PRKDC: variants seen among roughly 807,000 people sequenced by gnomAD.
PRKDC encodes protein kinase, DNA-activated, catalytic subunit.
Under a neutral mutation model 486.9 loss-of-function variants are expected in PRKDC, and 82 were observed. The ratio of observed to expected loss-of-function variants is 0.17; its 90% CI spans 0.14 to 0.20. The LOEUF (loss-of-function observed/expected upper bound fraction) is 0.20. Ranked by LOEUF, PRKDC falls within the 10% of genes least tolerant of loss-of-function variation. The pLI, the probability that PRKDC is intolerant of heterozygous loss-of-function variation, is 1.00. For missense variants in PRKDC, 4,504 were observed against 5,038.2 expected, an observed-to-expected ratio of 0.89 and a Z score of 3.21; for synonymous variants, 1,895 against 1,837.0, an observed-to-expected ratio of 1.03 and a Z score of -0.81.
At chr8:47,945,240 GT>G (rs1563817586) in intron 7 of PRKDC, among the ~76,000 whole-genome samples, 1 of 152,064 alleles carries the variant, frequency 6.6e-6, no homozygotes, top group Non-Finnish European at 1.5e-5. Context: ...TCTTGTATCT[GT>G]TTTTTTCAAT....
intron 54 of PRKDC, among the ~76,000 whole-genome samples, chr8:47,847,759 G>A (rs954965263): frequency 6.6e-6 from 1 of 151,692 alleles, no homozygotes; most frequent in African/African-American, 2.4e-5. Context: ...TGCACCTAAC[G>A]AAGGTCTAAT....
Position 47,927,328 on chromosome 8 carries a change from T to G in PRKDC, c.2285A>C (p.Tyr762Ser). 3.1e-6 allele frequency: 5 copies of G among 1,613,590 alleles called. No homozygotes were observed. The highest frequency in any genetic ancestry group is 4.2e-6 in the Non-Finnish European group (5 of 1,179,752). Residue 762 changes from tyrosine to serine, a missense_variant, in exon 21 of 86, where the codon TAT becomes TCT. Tyr to Ser is a moderately radical substitution (Grantham distance 144). Coordinates refer to ENST00000314191, the MANE Select transcript of PRKDC (RefSeq NM_006904.7). The stretch of plus-strand genomic sequence containing the variant: ...CAGGCCTACTTCTGCCAAGGGGGTA[T>G]AGCTCAGGCCCAGTTTGAAAGCCAT... ...LQMAFKLGLS[Y>S]TPLAEVGLNA...
rs374299207 is a variant in PRKDC at position 47,794,279 on chromosome 8, A to C, written c.10670+11T>G. 1.3e-6 allele frequency: 2 copies of C among 1,598,384 alleles called. No individual in the cohort carries two copies. Among genetic ancestry groups the C allele is most frequent in the Admixed American group, 3.4e-5 (2 of 58,882 alleles). On this transcript the variant is annotated intron_variant, in intron 74 of 85. Transcript: ENST00000314191. ...ATTTGATCAACCTATTCCTTCTGTA[A>C]TATTACCTACCTTGCCACAAACTCC...
At chr8:47,865,397 A>T (rs2088785850) in intron 40 of PRKDC, among the ~76,000 whole-genome samples, 1 of 151,956 alleles carries the variant, frequency 6.6e-6, no homozygotes, top group South Asian at 2.1e-4. Flanking sequence ...AAAAAAAAAA[A>T]TTCAGAAGTT....
At chr8:47,920,569 C>T (rs983988513) in intron 21 of PRKDC, among the ~76,000 whole-genome samples, 2 of 152,060 alleles carry the variant, frequency 1.3e-5, no homozygotes, top group Non-Finnish European at 2.9e-5. Context: ...TTTAAATGTG[C>T]TAGATTTTAA....
At chr8:47,950,687 G>C (rs2090613740) in intron 7 of PRKDC, among the ~76,000 whole-genome samples, 1 of 149,226 alleles carries the variant, frequency 6.7e-6, no homozygotes, top group Admixed American at 6.7e-5. Context: ...TTCAAAAAAA[G>C]AAAAGAATTT....
intron 40 of PRKDC, among the ~76,000 whole-genome samples, chr8:47,871,619 A>G (rs1159657249): frequency 1.3e-5 from 2 of 152,156 alleles, no homozygotes; most frequent in Non-Finnish European, 2.9e-5. Flanking sequence ...TTTTTTTAAG[A>G]TGGAGTTTCG....
intron 12 of PRKDC, among the ~76,000 whole-genome samples, 172 bp from the exon 13 acceptor site, chr8:47,936,072 A>AC (rs561078466): frequency 4.3e-4 from 66 of 152,304 alleles, no homozygotes; most frequent in Non-Finnish European, 5.6e-4. Flanking sequence ...TTAAAAAAAA[A>AC]ACACACACTC....
rs1014098151 is a variant in PRKDC, at chr8:47,855,087, G to A, written c.6761+135C>T. On this transcript the variant is annotated intron_variant, in intron 50 of 85. Coordinates refer to ENST00000314191, the MANE Select transcript of PRKDC (RefSeq NM_006904.7). ...CTGGTGCCACACTCTGGAGGCTGTG[G>A]TTTTATTAGTAACAATAAATTATTT... 9.2e-6 allele frequency: 9 copies of A among 976,884 alleles called. No individual in the cohort carries two copies. In the Admixed American group the frequency reaches 1.8e-4, roughly 20 times the overall value. 60.5% of individuals were successfully genotyped at this position (976,884 alleles called of 1,614,324 possible). A position where few individuals can be genotyped will look rare whatever the true frequency, so the allele number is the denominator to read the frequency against.
At chr8:47,839,051 T>C (rs2088086990) in intron 56 of PRKDC, 97 bp downstream of exon 56, 5 of 918,648 alleles carry the variant, frequency 5.4e-6, no homozygotes, top group South Asian at 1.6e-5. Flanking sequence ...ATGCTAATAC[T>C]GCAAATACAT....
intron 76 of PRKDC, among the ~76,000 whole-genome samples, chr8:47,786,591 A>G (rs1408559385): frequency 1.3e-5 from 2 of 152,210 alleles, no homozygotes; most frequent in African/African-American, 4.8e-5. Context: ...TAAAGGAAGT[A>G]GTTCAATAGA....
At chr8:47,899,316 A>T (rs577326594) in intron 28 of PRKDC, among the ~76,000 whole-genome samples, 1 of 152,226 alleles carries the variant, frequency 6.6e-6, no homozygotes, top group African/African-American at 2.4e-5. Context: ...GACTATCAAC[A>T]TGAAGGATAA....
intron 1 of PRKDC, among the ~76,000 whole-genome samples, chr8:47,958,166 G>A (rs1257273139): frequency 1.3e-5 from 2 of 152,194 alleles, no homozygotes; most frequent in Non-Finnish European, 2.9e-5. Flanking sequence ...GGGAAAGCGG[G>A]AGATTCCAAA....
intron 10 of PRKDC, 55 bp from the exon 11 acceptor site, chr8:47,939,752 T>C (rs1428663110): frequency 4.1e-5 from 57 of 1,385,828 alleles, no homozygotes; most frequent in East Asian, 9.9e-5. Flanking sequence ...ATGGAATCTA[T>C]ACAAACATGG....
chr8:47,878,254 C>T (rs1407130064), intron 39 of PRKDC, among the ~76,000 whole-genome samples: 4 of 151,872 alleles, frequency 2.6e-5, no homozygotes, highest in Non-Finnish European at 1.5e-5. Context: ...TACAGGCGCC[C>T]GCCACCACGC....
chr8:47,880,709 A>T (rs563160000), intron 38 of PRKDC, among the ~76,000 whole-genome samples: 4 of 152,322 alleles, frequency 2.6e-5, no homozygotes, highest in Admixed American at 2.6e-4. Context: ...AATAATATGT[A>T]TGCAAACACA....
chr8:47,927,673 C>T (rs778881351), intron 20 of PRKDC, 98 bp downstream of exon 20: 111 of 1,366,216 alleles, frequency 8.1e-5, no homozygotes, highest in South Asian at 5.6e-5. Context: ...TGTGAGGAAA[C>T]GCCTGCTGGG....
chr8:47,837,360 C>A lies in PRKDC; in HGVS notation c.7613G>T (p.Arg2538Leu), dbSNP rs371227176. ...ATATAAGGAATTTAGTGCCAGCAAC[C>A]GGTCCAAGGTATTTGAAGGTAACCT... Reference protein sequence around the residue: ...ETRLPSNTLDRLLALNSLYSP... With the variant: ...ETRLPSNTLDLLLALNSLYSP... Residue 2538 changes from arginine (R) to leucine (L), a missense_variant, in exon 57 of 86, where the codon CGG (arginine) becomes CTG (leucine). Arg to Leu is a moderately radical substitution (Grantham distance 102, BLOSUM62 -2). This residue lies in a region of PRKDC where 1,592 missense variants were observed against 1,724.6 expected (regional missense o/e 0.92). Transcript: ENST00000314191. 1.9e-6 allele frequency: 3 copies of A among 1,612,778 alleles called. No individual in the cohort carries two copies. Among genetic ancestry groups the A allele is most frequent in the Non-Finnish European group, 2.5e-6 (3 of 1,178,982 alleles).
At chr8:47,954,504 A>C in intron 4 of PRKDC, 58 bp from the exon 5 acceptor site, 1 of 643,542 alleles carries the variant, frequency 1.6e-6, no homozygotes, top group Middle Eastern at 2.7e-4. Context: ...AAAAAACACA[A>C]TACAAATTAG....
Sources: gnomAD v4.1 joint callset for allele counts (sites outside exome capture counted in the v4.1 genomes callset) on GRCh38, gnomAD v4.1.1 for gene constraint, gnomAD v4.1.1 regional missense constraint, MANE v1.5 for transcripts, NCBI Gene and HGNC (gene_info 2026-07-23, HGNC 2026-07-21) for gene names.